THSD4: variants seen among roughly 807,000 people sequenced by gnomAD.
THSD4 encodes the protein thrombospondin type 1 domain containing 4, also known as thrombospondin type-1 domain-containing protein 4.
Under a neutral mutation model 119.0 loss-of-function variants are expected in THSD4, and 69 were observed. That is an observed-to-expected ratio of 0.58 (90% CI 0.48 to 0.71). The LOEUF is 0.71. THSD4 is among the 30% of genes least tolerant of loss of function. THSD4 has a pLI of 0.00. For synonymous variants in THSD4, 524 were observed against 540.4 expected, an observed-to-expected ratio of 0.97 and a Z score of 0.42; for missense variants, 1,393 against 1,391.1, an observed-to-expected ratio of 1.00 and a Z score of -0.02.
chr15:71,757,297 T>C (rs559096096), intron 14 of THSD4, among the ~76,000 whole-genome samples: 36 of 152,276 alleles, frequency 2.4e-4, no homozygotes, highest in African/African-American at 7.0e-4. Context: ...TTTGCCTTAA[T>C]ATCAGGCAGC....
chr15:71,533,983 G>A (rs1014512999), intron 7 of THSD4, among the ~76,000 whole-genome samples: 1 of 152,176 alleles, frequency 6.6e-6, no homozygotes, highest in African/African-American at 2.4e-5. Context: ...GTTAAGATAC[G>A]AAGTGATTTG....
intron 10 of THSD4, chr15:71,732,787 A>G (rs2053006734): frequency 6.6e-6 from 1 of 152,160 alleles, no homozygotes; most frequent in Admixed American, 6.5e-5. Context: ...TTGTTATATC[A>G]CTGAGAGGTT....
chr15:71,421,573 T>C (rs983838879), intron 7 of THSD4, among the ~76,000 whole-genome samples: 3 of 152,228 alleles, frequency 2.0e-5, no homozygotes, highest in African/African-American at 4.8e-5. Context: ...TTTATTTCTT[T>C]TCTCTTGCTG....
intron 7 of THSD4, among the ~76,000 whole-genome samples, chr15:71,560,679 T>TA (rs2049098519): frequency 6.6e-6 from 1 of 152,212 alleles, no homozygotes; most frequent in Non-Finnish European, 1.5e-5. Context: ...ATTTTCCATG[T>TA]AATTGTATCA....
intron 14 of THSD4, among the ~76,000 whole-genome samples, chr15:71,751,248 G>C (rs936624459): frequency 6.6e-6 from 1 of 152,192 alleles, no homozygotes; most frequent in African/African-American, 2.4e-5. Flanking sequence ...TCAGCAAATG[G>C]ATGAAAAGAA....
intron 3 of THSD4, among the ~76,000 whole-genome samples, chr15:71,199,893 A>ATGTGTGTGTGATGCATGTGTGGGGTGTG (rs1567155087): frequency 4.0e-4 from 12 of 29,824 alleles, no homozygotes; most frequent in Non-Finnish European, 9.7e-4. Context: ...CATGTGTGGT[A>ATGTGTGTGTGATGCATGTGTGGGGTGTG]TGTGTGTGTG....
At chr15:71,184,529 C>G (rs1297772534) in intron 3 of THSD4, among the ~76,000 whole-genome samples, 1 of 151,744 alleles carries the variant, frequency 6.6e-6, no homozygotes, top group Admixed American at 6.6e-5. Flanking sequence ...TCACGTTTAC[C>G]ATCTAAAGCA....
chr15:71,443,212 A>G (rs1366498284), intron 7 of THSD4, among the ~76,000 whole-genome samples: 2 of 152,278 alleles, frequency 1.3e-5, no homozygotes, highest in East Asian at 3.9e-4. Context: ...AAGTTGGAGG[A>G]GGAAAAATGT....
intron 7 of THSD4, among the ~76,000 whole-genome samples, chr15:71,654,627 A>G (rs926215289): frequency 2.6e-5 from 4 of 152,236 alleles, no homozygotes; most frequent in African/African-American, 9.6e-5. Context: ...TATTTATCAT[A>G]TACAAAGGAT....
At chr15:71,775,578 G>A (rs1204201439) in intron 17 of THSD4, among the ~76,000 whole-genome samples, 1 of 152,146 alleles carries the variant, frequency 6.6e-6, no homozygotes, top group Admixed American at 6.5e-5. Context: ...AAGTGTGGCA[G>A]CATGTGCCTG....
intron 7 of THSD4, among the ~76,000 whole-genome samples, chr15:71,459,090 T>A (rs183857102): frequency 6.6e-6 from 1 of 152,148 alleles, no homozygotes; most frequent in East Asian, 1.9e-4. Flanking sequence ...CACAGCTTTC[T>A]CATGAATTCC....
chr15:71,114,689 A>C (rs1156741131), upstream of THSD4, among the ~76,000 whole-genome samples: 1 of 152,220 alleles, frequency 6.6e-6, no homozygotes, highest in Non-Finnish European at 1.5e-5. Context: ...AATTCGTAAA[A>C]TGAAGGGATC....
intron 7 of THSD4, among the ~76,000 whole-genome samples, chr15:71,487,535 G>T (rs1823754321): frequency 6.6e-6 from 1 of 152,004 alleles, no homozygotes. Flanking sequence ...AGTGTATAAG[G>T]GCCAAAGCAA....
At chr15:71,637,292 G>T (rs1471807316) in intron 7 of THSD4, among the ~76,000 whole-genome samples, 1 of 152,196 alleles carries the variant, frequency 6.6e-6, no homozygotes, top group African/African-American at 2.4e-5. Context: ...AAGATGGTTT[G>T]CATTACAAAT....
chr15:71,711,770 A>C (rs1251991089), intron 8 of THSD4, among the ~76,000 whole-genome samples: 3 of 152,180 alleles, frequency 2.0e-5, no homozygotes, highest in Non-Finnish European at 2.9e-5. Context: ...TATTACACAA[A>C]GTAGACTTCA....
At chr15:71,561,150 A>G (rs2049110047) in intron 7 of THSD4, among the ~76,000 whole-genome samples, 1 of 151,174 alleles carries the variant, frequency 6.6e-6, no homozygotes, top group South Asian at 2.1e-4. Context: ...CATTTTTTGC[A>G]TTTTTAGTAG....
chr15:71,662,324 C>A (rs1199396675), intron 8 of THSD4, among the ~76,000 whole-genome samples: 1 of 152,090 alleles, frequency 6.6e-6, no homozygotes, highest in Non-Finnish European at 1.5e-5. Context: ...CAAAGAAAAA[C>A]TGTTCAATTT....
At chr15:71,742,884 A>G (rs557622254) in intron 11 of THSD4, among the ~76,000 whole-genome samples, 19 of 152,144 alleles carry the variant, frequency 1.2e-4, no homozygotes, top group Non-Finnish European at 1.6e-4. Flanking sequence ...GCAAAACCCC[A>G]TCTCTACTAA....
At chr15:71,654,528 G>T (rs2051152080) in intron 7 of THSD4, among the ~76,000 whole-genome samples, 1 of 152,166 alleles carries the variant, frequency 6.6e-6, no homozygotes, top group South Asian at 2.1e-4. Flanking sequence ...CCTAGAAGAA[G>T]AATTTACTGG....
Sources: gnomAD v4.1 joint callset for allele counts (sites outside exome capture counted in the v4.1 genomes callset) on GRCh38, gnomAD v4.1.1 for gene constraint, MANE v1.5 for transcripts, NCBI Gene and HGNC (gene_info 2026-07-23, HGNC 2026-07-21) for gene names.